Variants in FASTKD3 observed in about 807,000 individuals in gnomAD.
FASTKD3 encodes the protein FAST kinase domain-containing protein 3, mitochondrial.
In FASTKD3, 47 loss-of-function variants were observed where a neutral mutation model predicts 49.7. The observed-to-expected ratio is 0.95, with a 90% CI of 0.75 to 1.21. The LOEUF (loss-of-function observed/expected upper bound fraction) is 1.21, where lower values mean the gene tolerates loss of function less well. Ranked by LOEUF, FASTKD3 falls within the 50% of genes most tolerant of loss-of-function variation. The pLI, the probability that FASTKD3 is intolerant of heterozygous loss-of-function variation, is 0.00. For missense variants in FASTKD3, 748 were observed against 765.7 expected, an observed-to-expected ratio of 0.98 and a Z score of 0.27; for synonymous variants, 284 against 288.6, an observed-to-expected ratio of 0.98 and a Z score of 0.16.
intron 1 of FASTKD3, 95 bp from the exon 2 acceptor site, chr5:7,868,291 A>AT (rs1178971284): frequency 4.0e-6 from 2 of 506,062 alleles, no homozygotes; most frequent in Non-Finnish European, 6.9e-6. Context: ...AGTGGCTGAC[A>AT]TTGAACAATA....
intron 6 of FASTKD3, among the ~76,000 whole-genome samples, chr5:7,860,390 C>G (rs1396196542): frequency 6.6e-6 from 1 of 152,054 alleles, no homozygotes; most frequent in Non-Finnish European, 1.5e-5. Context: ...TGGTGAAGCT[C>G]CTTATTTTAA....
intron 3 of FASTKD3, among the ~76,000 whole-genome samples, chr5:7,864,240 A>G (rs562511629): frequency 2.6e-5 from 4 of 152,334 alleles, no homozygotes; most frequent in African/African-American, 7.2e-5. Flanking sequence ...GCCATTCTAC[A>G]ATGTATACAT....
chr5:7,861,731 G>T, intron 4 of FASTKD3, 79 bp from the exon 5 acceptor site: 1 of 1,539,236 alleles, frequency 6.5e-7, no homozygotes, highest in Non-Finnish European at 8.8e-7. Context: ...CCTTTGCTTT[G>T]CTTTGATTCC....
At position 7,862,990 on chromosome 5, in the gene FASTKD3, T is replaced by A. The variant is rs1229652208; in HGVS notation, c.1532A>T (p.Lys511Ile). 1.9e-6 allele frequency: 3 copies of A among 1,612,622 alleles called. No homozygotes were observed. Among genetic ancestry groups the A allele is most frequent in the Non-Finnish European group, 2.5e-6 (3 of 1,179,526 alleles). ...VLECPFYKGP[K>I]LLPKYQVKSF... The stretch of plus-strand genomic sequence containing the variant: ...CTTCACTTGATATTTAGGAAGGAGT[T>A]TTGGACCCTAAAAAATCATAAGTGC... The change falls in exon 4 of 7, where the codon AAA becomes ATA. Residue 511 changes from lysine to isoleucine, a missense_variant. Physicochemically the swap from Lys to Ile is moderately radical, Grantham distance 102. Transcript: ENST00000264669.
intron 2 of FASTKD3, 144 bp from the exon 3 acceptor site, chr5:7,866,127 T>A: frequency 1.6e-6 from 1 of 619,418 alleles, no homozygotes; most frequent in Non-Finnish European, 2.8e-6. Context: ...CTTGTTAGAA[T>A]TAATTATGCC....
intron 4 of FASTKD3, chr5:7,862,189 A>T (rs917339348): frequency 6.6e-6 from 1 of 152,530 alleles, no homozygotes; most frequent in African/African-American, 2.4e-5. Flanking sequence ...GAAGCCTATG[A>T]ACTGCTGTCC....
Position 7,862,837 on chromosome 5 carries a change from T to C in FASTKD3, c.1685A>G (p.Tyr562Cys), listed in dbSNP as rs746796369. The C allele has an allele frequency of 4.5e-5, 72 of 1,612,846 alleles. No homozygotes were observed. The highest frequency in any genetic ancestry group is 1.6e-4 in the Middle Eastern group (1 of 6,080). Residue 562 changes from tyrosine (Y) to cysteine (C), a missense_variant, in exon 4 of 7, where the codon TAT becomes TGT. Tyr to Cys is a radical substitution (Grantham distance 194). Transcript: ENST00000264669. ...LYFAPKVLTP[Y>C]CYTIDVEIKL... ...ATACTACTTACCTATTGTATAACAA[T>C]AGGGTGTCAACACTTTTGGAGCAAA...
rs540585802 is a variant in FASTKD3 at position 7,867,966 on chromosome 5, G to C, written c.118C>G (p.Arg40Gly). 1.9e-6 allele frequency: 3 copies of C among 1,613,992 alleles called. No homozygotes were observed. The highest frequency in any genetic ancestry group is 2.5e-6 in the Non-Finnish European group (3 of 1,179,924). Residue 40 changes from arginine (R) to glycine (G), a missense_variant, in exon 2 of 7, where the codon CGT (arginine) becomes GGT (glycine). Physicochemically the swap from Arg to Gly is moderately radical, Grantham distance 125. Around this residue, in one of 3 missense-constraint regions of FASTKD3, gnomAD observed 564 missense variants for 562.8 expected, o/e 1.00. Transcript: ENST00000264669. ...LNHVHKVVKERLCPWLCSRQP... is the reference protein window; with the variant it reads ...LNHVHKVVKEGLCPWLCSRQP... The stretch of plus-strand genomic sequence containing the variant: ...CGTGAACACAACCAAGGGCACAGAC[G>C]CTCCTTGACTACCTTGTGAACATGA...
chr5:7,861,610 G>C lies in FASTKD3; in HGVS notation c.1742C>G (p.Ser581Cys). The stretch of plus-strand genomic sequence containing the variant: ...TTTATGGATATCTTCATTAGCTGTG[G>C]ATGGCAATACAAATCCTTCTTCATC... ...KLDEEGFVLPSTANEDIHKRI... is the reference protein window; with the variant it reads ...KLDEEGFVLPCTANEDIHKRI... Residue 581 changes from serine to cysteine, a missense_variant, in exon 5 of 7, where the codon TCC becomes TGC. Coordinates refer to ENST00000264669, the MANE Select transcript of FASTKD3 (RefSeq NM_024091.4). 6.2e-7 allele frequency: 1 copy of C among 1,605,020 alleles called. No individual in the cohort carries two copies. Among genetic ancestry groups the C allele is most frequent in the East Asian group, 2.2e-5 (1 of 44,554 alleles).
At chr5:7,864,246 T>C (rs1292573885) in intron 3 of FASTKD3, among the ~76,000 whole-genome samples, 1 of 152,224 alleles carries the variant, frequency 6.6e-6, no homozygotes, top group South Asian at 2.1e-4. Flanking sequence ...CTACAATGTA[T>C]ACATATTTCA....
intron 3 of FASTKD3, among the ~76,000 whole-genome samples, chr5:7,864,390 T>C (rs1046875349): frequency 3.3e-5 from 5 of 152,168 alleles, no homozygotes; most frequent in Non-Finnish European, 5.9e-5. Flanking sequence ...AAAATATTCA[T>C]GCTCTTGAGA....
At position 7,865,929 on chromosome 5, in the gene FASTKD3, A is replaced by G; in HGVS notation, c.1493T>C (p.Leu498Ser). Residue 498 changes from leucine (L) to serine (S), a missense_variant, in exon 3 of 7, where the codon TTA becomes TCA. Transcript: ENST00000264669. Reference protein sequence around the residue: ...LSRAQLTQLFLASVLECPFYK... With the variant: ...LSRAQLTQLFSASVLECPFYK... ...GAAAGGGCATTCCAGGACTGAGGCT[A>G]AGAAAAGTTGGGTCAGTTGTGCCCG... The G allele has an allele frequency of 2.5e-6, 4 of 1,614,034 alleles. No homozygotes were observed. Among genetic ancestry groups the G allele is most frequent in the Non-Finnish European group, 3.4e-6 (4 of 1,179,908 alleles).
chr5:7,862,574 G>A (rs1746629738), intron 4 of FASTKD3, among the ~76,000 whole-genome samples: 2 of 151,962 alleles, frequency 1.3e-5, no homozygotes, highest in Non-Finnish European at 1.5e-5. Context: ...ATTTTACAGA[G>A]GAAGAAGCAA....
chr5:7,861,524 C>A, intron 5 of FASTKD3, 59 bp downstream of exon 5: 3 of 1,220,270 alleles, frequency 2.5e-6, no homozygotes, highest in Non-Finnish European at 3.3e-6. Context: ...GAAAAAGATA[C>A]CGCTGCTTAT....
Position 7,865,921 on chromosome 5 carries a change from C to T in FASTKD3, c.1501G>A (p.Val501Ile). 2 of 1,613,942 alleles carry T rather than the reference C, an allele frequency of 1.2e-6. No homozygotes were observed. Among genetic ancestry groups the T allele is most frequent in the Non-Finnish European group, 8.5e-7 (1 of 1,179,852 alleles). Residue 501 changes from valine (V) to isoleucine (I), a missense_variant, in exon 3 of 7, where the codon GTC becomes ATC. By Grantham distance (29) the Val-to-Ile change is conservative. This residue lies in a region of FASTKD3 where 178 missense variants were observed against 182.2 expected (regional missense o/e 0.98). Coordinates refer to ENST00000264669, the MANE Select transcript of FASTKD3 (RefSeq NM_024091.4). ...ACCTTATAGAAAGGGCATTCCAGGACTGAGGCTAAGAAAAGTTGGGTCAGT... is the reference window on the plus strand; with the variant it reads ...ACCTTATAGAAAGGGCATTCCAGGATTGAGGCTAAGAAAAGTTGGGTCAGT... The part of the protein sequence containing the change: ...AQLTQLFLAS[V>I]LECPFYKGPK...
chr5:7,865,110 T>C (rs541545186), intron 3 of FASTKD3, among the ~76,000 whole-genome samples: 1 of 152,160 alleles, frequency 6.6e-6, no homozygotes, highest in East Asian at 1.9e-4. Context: ...GATTAGTGAG[T>C]CTCATTCCTT....
chr5:7,868,257 G>A lies in FASTKD3; in HGVS notation c.-113-61C>T, dbSNP rs1747201731. 1.3e-5 allele frequency: 7 copies of A among 546,086 alleles called. 1 individual carries two copies. In the South Asian group the frequency reaches 1.9e-4, roughly 15 times the overall value. The allele number at this position is 546,086 out of a possible 1,614,324, so 33.8% of individuals were successfully genotyped here. ...AACATATAAACACCAGAGGGGCAAA[G>A]TCTCTGCATCCTAGAGTTAGAAGAG... On this transcript the variant is annotated intron_variant, in intron 1 of 6. Transcript: ENST00000264669.
In FASTKD3 at chr5:7,867,701, G is replaced by T; in HGVS notation, c.383C>A (p.Thr128Asn). 8 of 1,614,158 alleles carry T rather than the reference G, an allele frequency of 5.0e-6. No homozygotes were observed. The highest frequency in any genetic ancestry group is 6.8e-6 in the Non-Finnish European group (8 of 1,180,030). The stretch of plus-strand genomic sequence containing the variant: ...TCGTTGTAAAGCTCCTGCTGCCATA[G>T]TGTCAGGCAGGGTTTCCATCGTGCT... ...FISTMETLPD[T>N]MAAGALQRIC... The change falls in exon 2 of 7, where the codon ACT (threonine) becomes AAT (asparagine). Residue 128 changes from threonine (T) to asparagine (N), a missense_variant. Physicochemically the swap from Thr to Asn is moderately conservative, Grantham distance 65. This residue lies in a region of FASTKD3 where 564 missense variants were observed against 562.8 expected (regional missense o/e 1.00). Transcript: ENST00000264669.
intron 2 of FASTKD3, 94 bp downstream of exon 2, chr5:7,866,552 C>T: frequency 1.1e-6 from 1 of 939,290 alleles, no homozygotes; most frequent in South Asian, 1.7e-5. Flanking sequence ...GGAAGAAAAA[C>T]TAAAGGCAAC....
Sources: allele counts gnomAD v4.1 joint callset (sites outside exome capture counted in the v4.1 genomes callset), GRCh38; gene constraint gnomAD v4.1.1; regional missense constraint gnomAD v4.1.1; transcripts MANE v1.5; gene names NCBI Gene and HGNC (gene_info 2026-07-23, HGNC 2026-07-21).